The following SCOC variants were observed in gnomAD, a reference collection of about 807,000 sequenced individuals.
SCOC encodes the protein short coiled-coil protein.
In SCOC, 7 loss-of-function variants were observed where a neutral mutation model predicts 9.9. The observed-to-expected ratio is 0.71, with a 90% CI of 0.40 to 1.33. SCOC has a LOEUF of 1.33. Ranked by LOEUF, SCOC falls within the 40% of genes most tolerant of loss-of-function variation. The pLI is 0.01. For missense variants in SCOC, 66 were observed against 89.7 expected (o/e 0.74, Z 1.07); for synonymous variants, 19 against 28.2 (o/e 0.67, Z 1.03).
intron 1 of SCOC, among the ~76,000 whole-genome samples, chr4:140,259,137 A>G (rs1730574369): frequency 6.6e-6 from 1 of 152,244 alleles, no homozygotes; most frequent in African/African-American, 2.4e-5. Context: ...AGGCTCAGAA[A>G]CAGAGGAAAC....
At chr4:140,336,366 A>G (rs1313890955) in intron 1 of SCOC, among the ~76,000 whole-genome samples, 4 of 152,192 alleles carry the variant, frequency 2.6e-5, no homozygotes, top group African/African-American at 9.7e-5. Context: ...ATAGCCATTA[A>G]GTAATCACTG....
Position 140,290,497 on chromosome 4 carries a change from TC to T in SCOC, c.-19+33088del, listed in dbSNP as rs371727883. ...AGACTACTGCTGAGCCTATGTGACC[TC>T]ATGAATTGGCAGTTTCAAAAGAACC... On this transcript the variant is annotated intron_variant, in intron 1 of 4. Coordinates refer to the SCOC transcript ENST00000394205. 6.8e-4 allele frequency among the ~76,000 whole-genome samples: 103 copies of T among 152,272 alleles called. No homozygotes were observed. In the Middle Eastern group the frequency reaches 0.02, roughly 30 times the overall value.
intron 1 of SCOC, chr4:140,373,920 C>T (rs997328168): frequency 9.9e-6 from 7 of 709,546 alleles, no homozygotes; most frequent in Admixed American, 8.0e-5. Context: ...CTCTTTTTCT[C>T]CTGTTTTCGT....
intron 2 of SCOC, chr4:140,366,591 T>C (rs1727808391): frequency 4.4e-6 from 7 of 1,605,356 alleles, no homozygotes; most frequent in Admixed American, 1.7e-5. Context: ...TCTTGGCCCA[T>C]CGTGTGGCTG....
chr4:140,367,149 C>T (rs1344396029), intron 2 of SCOC, among the ~76,000 whole-genome samples: 2 of 151,868 alleles, frequency 1.3e-5, no homozygotes, highest in African/African-American at 2.4e-5. Context: ...AGGTTGCAGT[C>T]AGCCAAAATC....
chr4:140,340,550 G>T (rs546610868), upstream of SCOC, among the ~76,000 whole-genome samples: 2 of 151,782 alleles, frequency 1.3e-5, no homozygotes, highest in African/African-American at 4.8e-5. Context: ...GAATGTAAAA[G>T]AATGAAGCTG....
At chr4:140,265,829 A>G (rs1383716438) in intron 1 of SCOC, among the ~76,000 whole-genome samples, 2 of 152,222 alleles carry the variant, frequency 1.3e-5, no homozygotes, top group African/African-American at 2.4e-5. Context: ...TCTGTAGCAC[A>G]CTTAACTTCA....
At chr4:140,328,236 T>C (rs1732707670) in intron 1 of SCOC, among the ~76,000 whole-genome samples, 2 of 152,178 alleles carry the variant, frequency 1.3e-5, no homozygotes, top group Non-Finnish European at 2.9e-5. Flanking sequence ...ACCTAACTGG[T>C]CTATCAGTTC....
chr4:140,384,833 A>G lies in SCOC; in HGVS notation c.*3729A>G, dbSNP rs1322069756. ...TTCTTAGGTTGAAATCCTAACCCCA[A>G]TGTGATGCTTTTAGGAGGTGGGGCT... On this transcript the variant is annotated 3_prime_UTR_variant, in exon 4 of 4. Coordinates refer to ENST00000608372, the MANE Select transcript of SCOC (RefSeq NM_001153484.2). 6.6e-6 allele frequency: 1 copy of G among 152,104 alleles called. No homozygotes were observed. Among genetic ancestry groups the G allele is most frequent in the East Asian group, 1.9e-4 (1 of 5,172 alleles). The allele number at this position is 152,104 out of a possible 1,614,324, so 9.4% of individuals were successfully genotyped here. A position where few individuals can be genotyped will look rare whatever the true frequency, so the allele number is the denominator to read the frequency against.
At chr4:140,378,186 T>C (rs895393636) in intron 1 of SCOC, among the ~76,000 whole-genome samples, 3 of 152,124 alleles carry the variant, frequency 2.0e-5, no homozygotes, top group Non-Finnish European at 4.4e-5. Flanking sequence ...CATTTTTTCA[T>C]TTATTCCATA....
At chr4:140,310,162 T>C (rs1732109067) in intron 1 of SCOC, among the ~76,000 whole-genome samples, 1 of 152,240 alleles carries the variant, frequency 6.6e-6, no homozygotes, top group South Asian at 2.1e-4. Context: ...TAAAAAAATC[T>C]TTGTCACATG....
chr4:140,310,825 G>A (rs1015106844), intron 1 of SCOC, among the ~76,000 whole-genome samples: 1 of 152,194 alleles, frequency 6.6e-6, no homozygotes, highest in East Asian at 1.9e-4. Context: ...GTGGGTGGCA[G>A]TCATGATGGG....
chr4:140,296,201 T>G (rs1428611692), intron 1 of SCOC, among the ~76,000 whole-genome samples: 1 of 151,662 alleles, frequency 6.6e-6, no homozygotes, highest in East Asian at 1.9e-4. Context: ...CACAGAGGGG[T>G]CTTCACAGCC....
upstream of SCOC, among the ~76,000 whole-genome samples, chr4:140,368,798 GA>G (rs1197390342): frequency 2.0e-5 from 3 of 152,092 alleles, no homozygotes; most frequent in African/African-American, 7.2e-5. Flanking sequence ...GGTGAACATA[GA>G]GTAGCTACCT....
intron 2 of SCOC, chr4:140,366,937 G>A (rs951707490): frequency 3.7e-6 from 2 of 541,318 alleles, no homozygotes; most frequent in African/African-American, 3.8e-5. Context: ...CAGGCGTGGT[G>A]GCTCACGCAT....
chr4:140,373,604 C>CA, upstream of SCOC: 2 of 1,551,692 alleles, frequency 1.3e-6, no homozygotes, highest in Non-Finnish European at 1.7e-6. Context: ...GGATTCTTCT[C>CA]ACGGCGCACG....
At chr4:140,336,671 T>A (rs1732966945) in intron 1 of SCOC, among the ~76,000 whole-genome samples, 1 of 152,222 alleles carries the variant, frequency 6.6e-6, no homozygotes, top group Admixed American at 6.6e-5. Flanking sequence ...CTACTATAAA[T>A]AATGCTGCTA....
intron 1 of SCOC, among the ~76,000 whole-genome samples, chr4:140,325,168 T>C (rs1253662798): frequency 6.6e-6 from 1 of 152,090 alleles, no homozygotes; most frequent in Non-Finnish European, 1.5e-5. Flanking sequence ...TAACTAAAAA[T>C]GGATAATAAA....
chr4:140,291,560 A>T (rs1396661915), intron 1 of SCOC: 8 of 454,234 alleles, frequency 1.8e-5, no homozygotes, highest in Non-Finnish European at 3.6e-5. Flanking sequence ...AGTGAGTTTG[A>T]AAAGCAACAG....
Sources: gnomAD v4.1 joint callset for allele counts (sites outside exome capture counted in the v4.1 genomes callset) on GRCh38, gnomAD v4.1.1 for gene constraint, MANE v1.5 for transcripts, NCBI Gene and HGNC (gene_info 2026-07-23, HGNC 2026-07-21) for gene names.